The following GREB1L variants were observed in gnomAD, a reference collection of about 807,000 sequenced individuals.
GREB1L encodes GREB1-like protein.
In GREB1L, 17 loss-of-function variants were observed where a neutral mutation model predicts 200.8. That is an observed-to-expected ratio of 0.08 (90% CI 0.06 to 0.13). The LOEUF is 0.13. GREB1L is among the 10% of genes least tolerant of loss of function. GREB1L has a pLI of 1.00. For missense variants in GREB1L, 1,657 were observed against 2,367.7 expected (o/e 0.70, Z 6.23); for synonymous variants, 789 against 893.0 (o/e 0.88, Z 2.08).
intron 15 of GREB1L, among the ~76,000 whole-genome samples, chr18:21,464,047 A>G (rs2035166718): frequency 6.6e-6 from 1 of 152,194 alleles, no homozygotes; most frequent in African/African-American, 2.4e-5. Flanking sequence ...TTTAAAACCC[A>G]TGAGTCCAGA....
chr18:21,324,685 C>T (rs1463887661), intron 1 of GREB1L, among the ~76,000 whole-genome samples: 2 of 152,158 alleles, frequency 1.3e-5, no homozygotes, highest in Non-Finnish European at 2.9e-5. Context: ...CGGCATGTGC[C>T]TGTAGTCCCA....
intron 30 of GREB1L, among the ~76,000 whole-genome samples, 162 bp downstream of exon 30, chr18:21,516,916 C>T (rs982628677): frequency 7.1e-6 from 1 of 140,208 alleles, no homozygotes; most frequent in Non-Finnish European, 1.5e-5. Flanking sequence ...GTCCCCTAGG[C>T]TGGATGGAGA....
At chr18:21,383,696 C>T in intron 3 of GREB1L, 21 bp downstream of exon 3, 2 of 1,545,988 alleles carry the variant, frequency 1.3e-6, no homozygotes, top group Non-Finnish European at 1.7e-6. Context: ...CAATCACACA[C>T]ATTTCTGGAT....
intron 7 of GREB1L, among the ~76,000 whole-genome samples, chr18:21,413,151 G>A (rs2031256722): frequency 6.6e-6 from 1 of 152,206 alleles, no homozygotes; most frequent in South Asian, 2.1e-4. Context: ...AGAGTTTAGA[G>A]CTCTCATGCT....
chr18:21,364,441 C>CAGGGAGT (rs1298850694), intron 1 of GREB1L, among the ~76,000 whole-genome samples: 1 of 149,390 alleles, frequency 6.7e-6, no homozygotes, highest in Admixed American at 6.7e-5. Flanking sequence ...GGAGGTTGGC[C>CAGGGAGT]AGGGAGTAAG....
At chr18:21,463,785 G>C (rs10454718) in intron 15 of GREB1L, among the ~76,000 whole-genome samples, 13,744 of 152,116 alleles carry the variant, frequency 0.09, 2,057 homozygotes, top group African/African-American at 0.31. Context: ...GCTCAGGCTG[G>C]TCTCAAACTC....
At chr18:21,501,093 A>G (rs2036771611) in intron 23 of GREB1L, among the ~76,000 whole-genome samples, 1 of 151,246 alleles carries the variant, frequency 6.6e-6, no homozygotes, top group Non-Finnish European at 1.5e-5. Flanking sequence ...AGAAAGAAAG[A>G]AAGAAATGAA....
chr18:21,327,478 A>G (rs1015370550), intron 1 of GREB1L, among the ~76,000 whole-genome samples: 1 of 151,986 alleles, frequency 6.6e-6, no homozygotes, highest in African/African-American at 2.4e-5. Context: ...CATTGTAGTC[A>G]TCTCCCTACT....
intron 1 of GREB1L, among the ~76,000 whole-genome samples, chr18:21,278,380 C>CAAAAAAAAAAAAAAAAAAAA (rs550496435): frequency 9.4e-6 from 1 of 106,306 alleles, no homozygotes; most frequent in Non-Finnish European, 2.0e-5. Flanking sequence ...GACTCCATCT[C>CAAAAAAAAAAAAAAAAAAAA]AAAAAAAAAA....
intron 15 of GREB1L, among the ~76,000 whole-genome samples, chr18:21,456,206 C>A (rs1248671809): frequency 1.3e-5 from 2 of 152,204 alleles, no homozygotes; most frequent in Non-Finnish European, 2.9e-5. Context: ...ATACCCAGCC[C>A]GGATTCTGCA....
At chr18:21,256,497 C>G (rs1172932733) in intron 1 of GREB1L, among the ~76,000 whole-genome samples, 3 of 152,128 alleles carry the variant, frequency 2.0e-5, no homozygotes, top group East Asian at 3.8e-4. Context: ...CAGACTGTAT[C>G]ATTCCCCAGG....
intron 11 of GREB1L, among the ~76,000 whole-genome samples, chr18:21,447,297 T>C (rs1175506138): frequency 6.6e-6 from 1 of 151,832 alleles, no homozygotes; most frequent in African/African-American, 2.4e-5. Flanking sequence ...ATTAAAAAAA[T>C]TTAAAAAAAA....
chr18:21,335,636 A>C (rs1277785851), intron 1 of GREB1L, among the ~76,000 whole-genome samples: 1 of 151,918 alleles, frequency 6.6e-6, no homozygotes, highest in Non-Finnish European at 1.5e-5. Flanking sequence ...CCTTGATTAT[A>C]GCTATAATGT....
chr18:21,303,463 T>C (rs969025278), intron 1 of GREB1L, among the ~76,000 whole-genome samples: 1 of 152,216 alleles, frequency 6.6e-6, no homozygotes, highest in African/African-American at 2.4e-5. Flanking sequence ...AGCATAAATA[T>C]AACATTTTTC....
chr18:21,286,925 G>A (rs187210667), intron 1 of GREB1L, among the ~76,000 whole-genome samples: 5 of 152,332 alleles, frequency 3.3e-5, no homozygotes, highest in Admixed American at 3.3e-4. Flanking sequence ...GGGGTTACAG[G>A]CGTGAGCCAC....
At chr18:21,373,950 AG>A (rs1380788090) in intron 2 of GREB1L, among the ~76,000 whole-genome samples, 3 of 151,134 alleles carry the variant, frequency 2.0e-5, no homozygotes, top group African/African-American at 7.3e-5. Context: ...TCTAATCTTT[AG>A]CCTATGGGAG....
chr18:21,381,290 C>G (rs1390833375), intron 2 of GREB1L, among the ~76,000 whole-genome samples: 1 of 151,808 alleles, frequency 6.6e-6, no homozygotes, highest in African/African-American at 2.4e-5. Context: ...CGCCTGTAAT[C>G]CCAGCTACTC....
intron 1 of GREB1L, among the ~76,000 whole-genome samples, chr18:21,335,226 A>G (rs939787379): frequency 4.6e-5 from 7 of 152,244 alleles, no homozygotes; most frequent in Admixed American, 4.6e-4. Context: ...TGACTGTATA[A>G]TAGGAAAAGG....
Position 21,434,485 on chromosome 18 carries a change from G to GTATATA in GREB1L, c.833-5026_833-5021dup, listed in dbSNP as rs759371210. Among the ~76,000 whole-genome samples the GTATATA allele has an allele frequency of 9.5e-4, 102 of 107,730 alleles. 1 individual carries two copies. The highest frequency in any genetic ancestry group is 4.8e-3 in the Admixed American group (44 of 9,218). The allele number at this position is 107,730 out of a possible 152,430, so 70.7% of individuals were successfully genotyped here. On this transcript the variant is annotated intron_variant, in intron 7 of 32. Transcript: ENST00000424526. ...AGTGAGAATCCATCTAAAAAAAATA[G>GTATATA]TATATATATATATATGTGTGTGTGT... is the stretch of plus-strand genomic sequence containing the variant.
Sources: allele counts gnomAD v4.1 joint callset (sites outside exome capture counted in the v4.1 genomes callset), GRCh38; gene constraint gnomAD v4.1.1; transcripts MANE v1.5; gene names NCBI Gene and HGNC (gene_info 2026-07-23, HGNC 2026-07-21).